NSL1: variants seen among roughly 807,000 people sequenced by gnomAD.
NSL1 encodes the protein NSL1 component of MIS12 kinetochore complex.
A neutral mutation model predicts 25.4 loss-of-function variants in NSL1; 11 were observed. The observed-to-expected ratio is 0.43, with a 90% CI of 0.27 to 0.72. NSL1 has a LOEUF of 0.72. Ranked by LOEUF, NSL1 falls within the 30% of genes least tolerant of loss-of-function variation. NSL1 has a pLI of 0.19. For synonymous variants in NSL1, 118 were observed against 120.6 expected, an observed-to-expected ratio of 0.98 and a Z score of 0.14; for missense variants, 330 against 342.7, an observed-to-expected ratio of 0.96 and a Z score of 0.29.
chr1:212,739,446 G>T, intron 5 of NSL1, 88 bp downstream of exon 5: 1 of 1,200,256 alleles, frequency 8.3e-7, no homozygotes, highest in Non-Finnish European at 1.2e-6. Flanking sequence ...TCCTGTTAGA[G>T]CAGACTAAAA....
chr1:212,756,880 A>G (rs1346438491), intron 4 of NSL1, among the ~76,000 whole-genome samples: 2 of 152,216 alleles, frequency 1.3e-5, no homozygotes, highest in Admixed American at 6.5e-5. Context: ...TCTTGCTCAC[A>G]GGGAGCTTAC....
rs142571777 is a variant in NSL1 at position 212,742,380 on chromosome 1, G to T, written c.500-2779C>A. 3.3e-5 allele frequency among the ~76,000 whole-genome samples: 5 copies of T among 152,208 alleles called. No homozygotes were observed. In the East Asian group the frequency reaches 9.6e-4, roughly 29 times the overall value. ...AAGAAATAATAGATTAGATTTATTT[G>T]AATATAAGAGGAAGAAAAACTGAAA... is the stretch of plus-strand genomic sequence containing the variant. On this transcript the variant is annotated intron_variant, in intron 4 of 5. Transcript: ENST00000366977.
rs933281671 is a variant in NSL1 at position 212,729,550 on chromosome 1, T to C, written c.*8858A>G. The C allele has an allele frequency of 8.1e-6, 8 of 985,428 alleles. No individual in the cohort carries two copies. Among genetic ancestry groups the C allele is most frequent in the Non-Finnish European group, 9.6e-6 (8 of 829,936 alleles). The allele number at this position is 985,428 out of a possible 1,614,324, so 61.0% of individuals were successfully genotyped here. On this transcript the variant is annotated 3_prime_UTR_variant, in exon 6 of 6. Transcript: ENST00000366977. Reference sequence around the variant, plus strand: ...GGTGCCCTACAACTTTGCCCATTTTTATTATTCTGCCAGTGTCATCCCCTC... The same window carrying C: ...GGTGCCCTACAACTTTGCCCATTTTCATTATTCTGCCAGTGTCATCCCCTC...
chr1:212,778,811 C>T lies in NSL1; in HGVS notation c.499+3561G>A, dbSNP rs575392523. On this transcript the variant is annotated intron_variant, in intron 4 of 5. Coordinates refer to ENST00000366977, the MANE Select transcript of NSL1 (RefSeq NM_015471.4). Reference sequence around the variant, plus strand: ...AAGTGCCGAGATTGCAGCCTCTGCCCGGCCGCCACCCCGTCTGGGAAGTGA... The same window carrying T: ...AAGTGCCGAGATTGCAGCCTCTGCCTGGCCGCCACCCCGTCTGGGAAGTGA... Among the ~76,000 whole-genome samples, 301 of 152,236 alleles carry T rather than the reference C, an allele frequency of 2.0e-3. 2 individuals carry two copies. The highest frequency in any genetic ancestry group is 3.6e-3 in the Non-Finnish European group (244 of 67,990).
chr1:212,767,469 A>G (rs1425126287), intron 4 of NSL1, among the ~76,000 whole-genome samples: 1 of 152,250 alleles, frequency 6.6e-6, no homozygotes, highest in African/African-American at 2.4e-5. Flanking sequence ...TAAAAATTCT[A>G]GAAGATAACA....
chr1:212,735,063 T>C lies in NSL1; in HGVS notation c.*3345A>G, dbSNP rs555943698. Among the ~76,000 whole-genome samples, 1 of 152,236 alleles carries C rather than the reference T, an allele frequency of 6.6e-6. No homozygotes were observed. Among genetic ancestry groups the C allele is most frequent in the Non-Finnish European group, 1.5e-5 (1 of 68,044 alleles). On this transcript the variant is annotated 3_prime_UTR_variant, in exon 6 of 6. Transcript: ENST00000366977. ...ATAATTATTATCCCCATTTTGCACATGAGAAAACTGCAGCATAGACAGGTT... is the reference window on the plus strand; with the variant it reads ...ATAATTATTATCCCCATTTTGCACACGAGAAAACTGCAGCATAGACAGGTT...
chr1:212,782,224 G>C (rs1266333157), intron 4 of NSL1, 148 bp downstream of exon 4: 2 of 703,176 alleles, frequency 2.8e-6, no homozygotes, highest in Non-Finnish European at 2.6e-6. Flanking sequence ...CTTAATTCTA[G>C]ATGAAATGCT....
At chr1:212,784,006 CA>C (rs201257527) in intron 3 of NSL1, 5 of 152,244 alleles carry the variant, frequency 3.3e-5, no homozygotes, top group African/African-American at 4.9e-5. Context: ...AAATATATGC[CA>C]AAAAAAAACA....
intron 4 of NSL1, among the ~76,000 whole-genome samples, chr1:212,780,917 G>A (rs1021316746): frequency 4.6e-5 from 7 of 152,040 alleles, no homozygotes; most frequent in Non-Finnish European, 1.0e-4. Context: ...TTAGTGCAGA[G>A]CTGGAATTCA....
chr1:212,768,425 A>T (rs1486211279), intron 4 of NSL1, among the ~76,000 whole-genome samples: 2 of 152,330 alleles, frequency 1.3e-5, no homozygotes, highest in Admixed American at 1.3e-4. Context: ...TATATGAAAA[A>T]GAGACATGCA....
chr1:212,770,528 C>T (rs1433969622), intron 4 of NSL1, among the ~76,000 whole-genome samples: 2 of 151,768 alleles, frequency 1.3e-5, no homozygotes, highest in African/African-American at 2.4e-5. Context: ...ACCAATAACA[C>T]ATAACAAGAT....
intron 4 of NSL1, among the ~76,000 whole-genome samples, chr1:212,779,075 G>A (rs1264337041): frequency 6.6e-6 from 1 of 150,548 alleles, no homozygotes; most frequent in Non-Finnish European, 1.5e-5. Flanking sequence ...GAAGTGAGGA[G>A]CGTCTCTGCC....
chr1:212,743,188 T>C (rs933249435), intron 4 of NSL1, among the ~76,000 whole-genome samples: 1 of 152,116 alleles, frequency 6.6e-6, no homozygotes, highest in Non-Finnish European at 1.5e-5. Context: ...TTTTTTGAGA[T>C]GGAGTCTCCC....
chr1:212,765,563 A>G (rs58203936), intron 4 of NSL1, among the ~76,000 whole-genome samples: 34,545 of 152,180 alleles, frequency 0.23, 4,647 homozygotes, highest in African/African-American at 0.38. Flanking sequence ...GCTTATGCCT[A>G]TAATCCCAGC....
In NSL1 at chr1:212,737,569, T is replaced by C. The variant is rs1658281340; in HGVS notation, c.*839A>G. 4 of 974,038 alleles carry C rather than the reference T, an allele frequency of 4.1e-6. No homozygotes were observed. The highest frequency in any genetic ancestry group is 4.7e-5 in the South Asian group (1 of 21,074). 60.3% of individuals were successfully genotyped at this position (974,038 alleles called of 1,614,324 possible). A position where few individuals can be genotyped will look rare whatever the true frequency, so the allele number is the denominator to read the frequency against. On this transcript the variant is annotated 3_prime_UTR_variant, in exon 6 of 6. Transcript: ENST00000366977. ...TCTCCCAGTGATTATATACCTGATA[T>C]ATAAACATCTTCAAATGTGAAATAG...
rs367616365 is a variant in NSL1 at position 212,791,759 on chromosome 1, G to A, written c.5C>T (p.Ala2Val). M[A>V]GSPELVVLDP... ...AAGGACCACCAACTCAGGAGACCCC[G>A]CCATTTTTCGTCGGAACTGTGGGCG... is the stretch of plus-strand genomic sequence containing the variant. Residue 2 changes from alanine to valine, a missense_variant, in exon 1 of 6, where the codon GCG becomes GTG. Ala to Val is a moderately conservative substitution (Grantham distance 64). Transcript: ENST00000366977. 48 of 1,604,038 alleles carry A rather than the reference G, an allele frequency of 3.0e-5. No homozygotes were observed. The highest frequency in any genetic ancestry group is 6.7e-5 in the East Asian group (3 of 44,668).
chr1:212,774,056 G>A (rs777988753), intron 4 of NSL1, among the ~76,000 whole-genome samples: 4 of 152,136 alleles, frequency 2.6e-5, no homozygotes, highest in Admixed American at 6.5e-5. Flanking sequence ...TATGTGCGGA[G>A]CGGGGAAGGG....
intron 4 of NSL1, among the ~76,000 whole-genome samples, chr1:212,761,371 G>C (rs1041109897): frequency 6.6e-6 from 1 of 152,150 alleles, no homozygotes; most frequent in South Asian, 2.1e-4. Context: ...GCAACGTGGC[G>C]AAACCTCCTC....
chr1:212,766,645 T>TA (rs1235557027), intron 4 of NSL1, among the ~76,000 whole-genome samples: 3,926 of 122,430 alleles, frequency 0.032, 216 homozygotes, highest in African/African-American at 0.11. Flanking sequence ...GACTCCATCT[T>TA]AAAAAAAAAA....
Sources: gnomAD v4.1 joint callset for allele counts (sites outside exome capture counted in the v4.1 genomes callset) on GRCh38, gnomAD v4.1.1 for gene constraint, MANE v1.5 for transcripts, NCBI Gene and HGNC (gene_info 2026-07-23, HGNC 2026-07-21) for gene names.